The following SEM1 variants were observed in gnomAD, a reference collection of about 807,000 sequenced individuals.
SEM1 encodes the protein SEM1 26S proteasome subunit.
A neutral mutation model predicts 12.7 loss-of-function variants in SEM1; 3 were observed. That is an observed-to-expected ratio of 0.24 (90% confidence interval 0.11 to 0.61). The LOEUF is 0.61. Ranked by LOEUF, SEM1 falls within the 20% of genes least tolerant of loss-of-function variation. The probability of loss-of-function intolerance (pLI) is 0.88; values close to 1 mark genes in which losing one functional copy is unlikely to be tolerated. For synonymous variants in SEM1, 30 were observed against 27.8 expected, an observed-to-expected ratio of 1.08 and a Z score of -0.25; for missense variants, 59 against 81.3, an observed-to-expected ratio of 0.73 and a Z score of 1.06.
In SEM1 at chr7:96,487,471, C is replaced by G. The variant is rs1009411350; in HGVS notation, c.13-1054G>C. On this transcript the variant is annotated intron_variant, in intron 1 of 3. Coordinates refer to the SEM1 transcript ENST00000356686. Reference sequence around the variant, plus strand: ...CTTGATTATGGGTATTTTGGGACCCCCTTTAATTTTGTGCCCTACGGTGAG... The same window carrying G: ...CTTGATTATGGGTATTTTGGGACCCGCTTTAATTTTGTGCCCTACGGTGAG... 7.3e-5 allele frequency among the ~76,000 whole-genome samples: 11 copies of G among 149,894 alleles called. No individual in the cohort carries two copies. In the South Asian group the frequency reaches 8.3e-4, roughly 11 times the overall value.
chr7:96,486,234 T>C (rs1460553739), exon 2 of SEM1: 1 of 1,536,982 alleles, frequency 6.5e-7, no homozygotes, highest in East Asian at 2.4e-5. Flanking sequence ...GTTGTCGCTC[T>C]GGAGTTGGGC....
intron 2 of SEM1, among the ~76,000 whole-genome samples, chr7:96,614,010 G>C (rs1381743560): frequency 6.6e-6 from 1 of 152,188 alleles, no homozygotes; most frequent in Non-Finnish European, 1.5e-5. Context: ...GTGAACATGG[G>C]AGTGAAGACA....
At chr7:96,695,368 ATT>A (rs1273011984) in intron 1 of SEM1, 1 of 152,036 alleles carries the variant, frequency 6.6e-6, no homozygotes, top group Non-Finnish European at 1.5e-5. Context: ...CAAAATTTAT[ATT>A]TTTAAAGGAA....
intron 2 of SEM1, among the ~76,000 whole-genome samples, chr7:96,644,929 A>C (rs1808735428): frequency 6.6e-6 from 1 of 152,158 alleles, no homozygotes; most frequent in Non-Finnish European, 1.5e-5. Context: ...GAGTTTTTTA[A>C]ATCAGATTCC....
intron 2 of SEM1, among the ~76,000 whole-genome samples, chr7:96,551,637 G>A (rs1232065587): frequency 4.6e-5 from 7 of 150,700 alleles, no homozygotes; most frequent in South Asian, 2.1e-4. Context: ...ACTGGGAGGC[G>A]GAGGTTGCAG....
At chr7:96,603,910 G>C in intron 2 of SEM1, among the ~76,000 whole-genome samples, 1 of 150,464 alleles carries the variant, frequency 6.6e-6, no homozygotes, top group Middle Eastern at 3.4e-3. Flanking sequence ...ATATGGAGAC[G>C]CTTCAGGCCC....
chr7:96,687,774 A>G (rs1443220449), downstream of SEM1, among the ~76,000 whole-genome samples: 1 of 152,098 alleles, frequency 6.6e-6, no homozygotes, highest in Non-Finnish European at 1.5e-5. Context: ...CCTAAAACTT[A>G]AAGTATAATA....
At chr7:96,546,574 T>C (rs1805109600) in intron 2 of SEM1, among the ~76,000 whole-genome samples, 2 of 152,128 alleles carry the variant, frequency 1.3e-5, no homozygotes, top group African/African-American at 4.8e-5. Flanking sequence ...GACTAATTAA[T>C]TGAGCAGGAG....
upstream of SEM1, among the ~76,000 whole-genome samples, chr7:96,496,775 T>C (rs941005740): frequency 1.1e-4 from 17 of 152,212 alleles, no homozygotes; most frequent in African/African-American, 3.6e-4. Flanking sequence ...CTTTGTAGTA[T>C]ATTTTATATG....
chr7:96,633,983 ATCAGGAGG>A (rs1370005880), intron 2 of SEM1, among the ~76,000 whole-genome samples: 5 of 152,186 alleles, frequency 3.3e-5, no homozygotes, highest in African/African-American at 1.2e-4. Context: ...TTTCCTATAT[ATCAGGAGG>A]TGCAAACTCA....
chr7:96,555,046 C>G (rs2115870373), intron 2 of SEM1, among the ~76,000 whole-genome samples: 1 of 149,496 alleles, frequency 6.7e-6, no homozygotes, highest in South Asian at 2.2e-4. Flanking sequence ...TGGTGATATC[C>G]CCTTTATCAT....
chr7:96,623,078 A>C (rs1807946185), intron 2 of SEM1: 1 of 156,192 alleles, frequency 6.4e-6, no homozygotes. Context: ...CCCCAATATG[A>C]GTAGGCATCA....
At chr7:96,578,433 A>G (rs1022972145) in intron 2 of SEM1, among the ~76,000 whole-genome samples, 3 of 152,250 alleles carry the variant, frequency 2.0e-5, no homozygotes, top group Non-Finnish European at 2.9e-5. Context: ...AAGATGGGAT[A>G]ATATCTTCAA....
chr7:96,512,777 C>A (rs142548224), intron 2 of SEM1, among the ~76,000 whole-genome samples: 89 of 152,110 alleles, frequency 5.9e-4, no homozygotes, highest in African/African-American at 2.0e-3. Flanking sequence ...GTCTGTTATA[C>A]CTGATGGGAG....
At chr7:96,506,652 T>C (rs1803763299) in exon 3 of SEM1, 1 of 152,038 alleles carries the variant, frequency 6.6e-6, no homozygotes, top group Admixed American at 6.6e-5. Flanking sequence ...GAGAACTGCA[T>C]CTTCAACAAT....
intron 2 of SEM1, among the ~76,000 whole-genome samples, chr7:96,597,791 C>A (rs1441551986): frequency 1.3e-5 from 2 of 151,736 alleles, no homozygotes; most frequent in African/African-American, 4.8e-5. Context: ...ACTCTTGTAC[C>A]CAATCCACCT....
Position 96,704,609 on chromosome 7 carries a change from C to T in SEM1, c.76+5079G>A, listed in dbSNP as rs1019544913. The stretch of plus-strand genomic sequence containing the variant: ...AACAGGTACTCTTCGAATCATTATA[C>T]AGATTACACATTTTTTCTTAAAAAT... On this transcript the variant is annotated intron_variant, in intron 1 of 2. Coordinates refer to ENST00000248566, the MANE Select transcript of SEM1 (RefSeq NM_006304.2). Among the ~76,000 whole-genome samples, 6 of 152,170 alleles carry T rather than the reference C, an allele frequency of 3.9e-5. No individual in the cohort carries two copies. The South Asian group carries it at 6.2e-4, about 16-fold the overall frequency.
chr7:96,501,705 G>C lies in SEM1; in HGVS notation c.*60+4918C>G, dbSNP rs185118912. 2.9e-3 allele frequency among the ~76,000 whole-genome samples: 439 copies of C among 152,186 alleles called. 1 individual carries two copies. The highest frequency in any genetic ancestry group is 0.01 in the African/African-American group (421 of 41,542). ...TTATTATGTGTGCAAAACATACTAA[G>C]TGCTTTATGTGAATTATTATTATTT... On this transcript the variant is annotated intron_variant and NMD_transcript_variant, in intron 3 of 3. Transcript: ENST00000466986.
At chr7:96,483,180 G>C (rs190512772) in exon 4 of SEM1, 1 of 152,002 alleles carries the variant, frequency 6.6e-6, no homozygotes, top group Non-Finnish European at 1.5e-5. Context: ...TTAAATACTC[G>C]TTATTTAATT....
Sources: allele counts gnomAD v4.1 joint callset (sites outside exome capture counted in the v4.1 genomes callset), GRCh38; gene constraint gnomAD v4.1.1; transcripts MANE v1.5; gene names NCBI Gene and HGNC (gene_info 2026-07-23, HGNC 2026-07-21).